The following NDUFS1 variants were observed in gnomAD, a reference collection of about 807,000 sequenced individuals.
The protein encoded by NDUFS1 is NADH-ubiquinone oxidoreductase 75 kDa subunit, mitochondrial.
Under a neutral mutation model 84.4 loss-of-function variants are expected in NDUFS1, and 61 were observed. The ratio of observed to expected loss-of-function variants is 0.72; its 90% CI spans 0.59 to 0.89. The LOEUF is 0.89. NDUFS1 is among the 40% of genes least tolerant of loss of function. The pLI, the probability that NDUFS1 is intolerant of heterozygous loss-of-function variation, is 0.00. For synonymous variants in NDUFS1, 275 were observed against 290.0 expected, an observed-to-expected ratio of 0.95 and a Z score of 0.53; for missense variants, 891 against 890.0, an observed-to-expected ratio of 1.00 and a Z score of -0.01.
intron 14 of NDUFS1, 83 bp downstream of exon 14, chr2:206,132,862 T>A: frequency 7.9e-7 from 1 of 1,262,378 alleles, no homozygotes; most frequent in South Asian, 1.3e-5. Flanking sequence ...GTTTGTAAAT[T>A]AAATTTAACA....
chr2:206,129,740 C>T (rs1358852648), intron 15 of NDUFS1, among the ~76,000 whole-genome samples: 4 of 151,702 alleles, frequency 2.6e-5, no homozygotes, highest in African/African-American at 7.3e-5. Context: ...TACAGGCGCC[C>T]GCCACCACGC....
Position 206,115,314 on chromosome 2 carries a change from G to A in NDUFS1, c.*8871C>T, listed in dbSNP as rs1052022123. 2.6e-5 allele frequency: 4 copies of A among 152,938 alleles called. No homozygotes were observed. Among genetic ancestry groups the A allele is most frequent in the Non-Finnish European group, 5.8e-5 (4 of 68,626 alleles). 9.5% of individuals were successfully genotyped at this position (152,938 alleles called of 1,614,324 possible). ...TGTTGTCTCCACAATTCATGTGTTGGAAACTTAATCCCAATGCAACAGGGT... is the reference window on the plus strand; with the variant it reads ...TGTTGTCTCCACAATTCATGTGTTGAAAACTTAATCCCAATGCAACAGGGT... On this transcript the variant is annotated 3_prime_UTR_variant, in exon 19 of 19. Coordinates refer to ENST00000233190, the MANE Select transcript of NDUFS1 (RefSeq NM_005006.7).
At chr2:206,158,514 A>C (rs1687768434) in intron 1 of NDUFS1, among the ~76,000 whole-genome samples, 1 of 152,248 alleles carries the variant, frequency 6.6e-6, no homozygotes, top group South Asian at 2.1e-4. Flanking sequence ...ATAACGGTTA[A>C]GTGAACTGAA....
rs1691082196 is a variant in NDUFS1, at chr2:206,121,086, A to G, written c.*3099T>C. The G allele has an allele frequency of 6.6e-6, 1 of 152,220 alleles. No individual in the cohort carries two copies. Among genetic ancestry groups the G allele is most frequent in the South Asian group, 2.1e-4 (1 of 4,836 alleles). The allele number at this position is 152,220 out of a possible 1,614,324, so 9.4% of individuals were successfully genotyped here. ...CAATTAATACCTACTATTAGCAGAG[A>G]TTTTGTGAAGAATAGTCTTAATGTA... On this transcript the variant is annotated 3_prime_UTR_variant, in exon 19 of 19. Transcript: ENST00000233190.
At position 206,116,237 on chromosome 2, in the gene NDUFS1, C is replaced by T. The variant is rs1225855645; in HGVS notation, c.*7948G>A. On this transcript the variant is annotated 3_prime_UTR_variant, in exon 19 of 19. Transcript: ENST00000233190. The stretch of plus-strand genomic sequence containing the variant: ...TTCATAACGAGATTTGTTTACAAGT[C>T]CTGGATTTTCTGCAAGAGCTTCATT... 6 of 1,218,686 alleles carry T rather than the reference C, an allele frequency of 4.9e-6. No individual in the cohort carries two copies. Among genetic ancestry groups the T allele is most frequent in the Non-Finnish European group, 7.3e-6 (6 of 818,918 alleles). The allele number at this position is 1,218,686 out of a possible 1,614,324, so 75.5% of individuals were successfully genotyped here.
At position 206,136,564 on chromosome 2, in the gene NDUFS1, G is replaced by T. The variant is rs1466990706; in HGVS notation, c.1392+1921C>A. Among the ~76,000 whole-genome samples, 3 of 151,208 alleles carry T rather than the reference G, an allele frequency of 2.0e-5. No individual in the cohort carries two copies. In the Admixed American group the frequency reaches 2.0e-4, roughly 10 times the overall value. On this transcript the variant is annotated intron_variant, in intron 13 of 18. Coordinates refer to ENST00000233190, the MANE Select transcript of NDUFS1 (RefSeq NM_005006.7). ...TTCTCCACCCTCAGGCTCCCGAGTAGCTGGGATTACAGGTGCCCATCACCA... is the reference window on the plus strand; with the variant it reads ...TTCTCCACCCTCAGGCTCCCGAGTATCTGGGATTACAGGTGCCCATCACCA...
chr2:206,155,308 G>C (rs902090041), intron 1 of NDUFS1, among the ~76,000 whole-genome samples: 1 of 151,860 alleles, frequency 6.6e-6, no homozygotes, highest in Non-Finnish European at 1.5e-5. Context: ...GTAGAGACGG[G>C]GTTTCATCGT....
At chr2:206,141,341 G>A (rs1691939139) in intron 12 of NDUFS1, among the ~76,000 whole-genome samples, 2 of 151,108 alleles carry the variant, frequency 1.3e-5, no homozygotes, top group Admixed American at 6.6e-5. Context: ...TCAGGAGATC[G>A]AGACCACGGT....
intron 10 of NDUFS1, 77 bp downstream of exon 10, chr2:206,143,941 T>C (rs866625309): frequency 2.6e-6 from 3 of 1,154,916 alleles, no homozygotes; most frequent in Middle Eastern, 1.9e-4. Context: ...GGAAGAAATA[T>C]ACATCCCCCC....
intron 4 of NDUFS1, 149 bp downstream of exon 4, chr2:206,149,669 G>T: frequency 1.5e-6 from 1 of 661,638 alleles, no homozygotes; most frequent in Non-Finnish European, 2.7e-6. Context: ...GAAATGAAGA[G>T]AATCAATTGT....
intron 12 of NDUFS1, among the ~76,000 whole-genome samples, chr2:206,140,933 T>TAC (rs1691916943): frequency 1.4e-5 from 1 of 70,376 alleles, no homozygotes; most frequent in Non-Finnish European, 2.7e-5. Flanking sequence ...TATATATATA[T>TAC]ATATATATAT....
chr2:206,156,775 C>G (rs1400587899), intron 1 of NDUFS1, among the ~76,000 whole-genome samples: 2 of 152,180 alleles, frequency 1.3e-5, no homozygotes, highest in Non-Finnish European at 2.9e-5. Flanking sequence ...ATATGTGATA[C>G]TGAAATTGCA....
At chr2:206,140,943 T>TATATATATATACACACACACAC (rs367723817) in intron 12 of NDUFS1, among the ~76,000 whole-genome samples, 316 of 136,086 alleles carry the variant, frequency 2.3e-3, no homozygotes, top group Middle Eastern at 3.9e-3. Context: ...TATATATATA[T>TATATATATATACACACACACAC]ACACACACAC....
At chr2:206,127,339 AG>A (rs1490929405) in intron 16 of NDUFS1, among the ~76,000 whole-genome samples, 3 of 152,200 alleles carry the variant, frequency 2.0e-5, no homozygotes, top group Non-Finnish European at 4.4e-5. Flanking sequence ...GTTCAAGACC[AG>A]CCTGGCCAAC....
intron 12 of NDUFS1, 151 bp from the exon 13 acceptor site, chr2:206,138,765 A>C: frequency 1.1e-6 from 1 of 920,580 alleles, no homozygotes; most frequent in Admixed American, 2.1e-5. Flanking sequence ...GTACCTTTCA[A>C]AACAGTGTTG....
At position 206,144,096 on chromosome 2, in the gene NDUFS1, G is replaced by A. The variant is rs564576152; in HGVS notation, c.909C>T (p.Thr303=). ...AYDGLKRQRL[T]EPMVRNEKGL... ...CTTTTTCATTTCTGACCATTGGCTC[G>A]GTAAGTCTTTGACGTTTTAGCCCAT... The change falls in exon 10 of 19, where the codon ACC becomes ACT. Residue 303 remains threonine (T), a synonymous_variant. Coordinates refer to ENST00000233190, the MANE Select transcript of NDUFS1 (RefSeq NM_005006.7). 77 of 1,613,906 alleles carry A rather than the reference G, an allele frequency of 4.8e-5. 1 individual carries two copies. Among genetic ancestry groups the A allele is most frequent in the East Asian group, 2.0e-4 (9 of 44,860 alleles).
Position 206,126,550 on chromosome 2 carries a change from A to G in NDUFS1, c.2081T>C (p.Phe694Ser). ...TGACAATTACATACCTGTCATGTAG[A>G]AGTCTTTTATAGTTAGCTGAGGTGG... The part of the protein sequence containing the change: ...LVPPQLTIKD[F>S]YMTDSISRAS... The change falls in exon 18 of 19, where the codon TTC becomes TCC. Residue 694 changes from phenylalanine (F) to serine (S), a missense_variant. Phe to Ser is a radical substitution (Grantham distance 155). Coordinates refer to ENST00000233190, the MANE Select transcript of NDUFS1 (RefSeq NM_005006.7). The G allele has an allele frequency of 6.2e-7, 1 of 1,614,134 alleles. No homozygotes were observed. The highest frequency in any genetic ancestry group is 8.5e-7 in the Non-Finnish European group (1 of 1,179,990).
intron 13 of NDUFS1, among the ~76,000 whole-genome samples, chr2:206,135,759 A>G (rs1691685692): frequency 1.3e-5 from 2 of 152,124 alleles, no homozygotes; most frequent in African/African-American, 2.4e-5. Flanking sequence ...GGAATTAGAG[A>G]GGAGAAAGGA....
intron 11 of NDUFS1, among the ~76,000 whole-genome samples, chr2:206,142,322 C>A (rs982519931): frequency 3.9e-5 from 6 of 152,226 alleles, no homozygotes; most frequent in African/African-American, 1.4e-4. Flanking sequence ...AAGCAATTCT[C>A]CTGCCTCAGC....
Sources: allele counts gnomAD v4.1 joint callset (sites outside exome capture counted in the v4.1 genomes callset), GRCh38; gene constraint gnomAD v4.1.1; transcripts MANE v1.5; gene names NCBI Gene and HGNC (gene_info 2026-07-23, HGNC 2026-07-21).